The following IGF2R variants were observed in gnomAD, a reference collection of about 807,000 sequenced individuals.
IGF2R encodes cation-independent mannose-6-phosphate receptor.
IGF2R carries 91 observed loss-of-function variants against 270.6 expected under a neutral mutation model. The observed-to-expected ratio is 0.34, with a 90% CI of 0.28 to 0.40. The LOEUF (loss-of-function observed/expected upper bound fraction) is 0.40, where lower values mean the gene tolerates loss of function less well. IGF2R is among the 10% of genes least tolerant of loss of function. The pLI is 1.00. For synonymous variants in IGF2R, 1,316 were observed against 1,258.9 expected (o/e 1.05, Z -0.96); for missense variants, 2,805 against 3,188.3 (o/e 0.88, Z 2.90).
intron 4 of IGF2R, among the ~76,000 whole-genome samples, chr6:160,015,953 G>T (rs923104207): frequency 2.6e-5 from 4 of 152,188 alleles, no homozygotes; most frequent in African/African-American, 9.6e-5. Flanking sequence ...CTTCTGCCGT[G>T]AGTGAAAGCT....
At chr6:160,065,814 G>GTGTGTGTGTGTA in intron 29 of IGF2R, among the ~76,000 whole-genome samples, 1 of 78,392 alleles carries the variant, frequency 1.3e-5, no homozygotes, top group East Asian at 3.0e-4. Flanking sequence ...GTGTGTGTGT[G>GTGTGTGTGTGTA]TATATATATA....
chr6:160,102,775 C>A lies in IGF2R; in HGVS notation c.6995+104C>A. On this transcript the variant is annotated intron_variant, in intron 46 of 47. Transcript: ENST00000356956. The surrounding 1 kb of genome is among the most constrained non-coding windows in gnomAD (Gnocchi z 4.5). ...TTTATTTATTTGTTTTTAAGCCCTACAGCAGCGAAGGCTCGAGGTTCTTAG... is the reference window on the plus strand; with the variant it reads ...TTTATTTATTTGTTTTTAAGCCCTAAAGCAGCGAAGGCTCGAGGTTCTTAG... 1 of 1,319,004 alleles carries A rather than the reference C, an allele frequency of 7.6e-7. No individual in the cohort carries two copies. The highest frequency in any genetic ancestry group is 1.0e-6 in the Non-Finnish European group (1 of 973,412). 81.7% of individuals were successfully genotyped at this position (1,319,004 alleles called of 1,614,324 possible).
chr6:160,046,680 C>T, intron 15 of IGF2R, 35 bp downstream of exon 15: 1 of 1,591,324 alleles, frequency 6.3e-7, no homozygotes, highest in Non-Finnish European at 8.6e-7. Context: ...CATTCTTAGG[C>T]ATTATATGCT....
intron 14 of IGF2R, 22 bp from the exon 15 acceptor site, chr6:160,046,476 T>C: frequency 6.3e-7 from 1 of 1,597,294 alleles, no homozygotes; most frequent in Non-Finnish European, 8.5e-7. Context: ...TCCATACTTT[T>C]ATTGTTTTTA....
Position 160,072,067 on chromosome 6 carries a change from C to T in IGF2R, c.4570+31C>T, listed in dbSNP as rs200144324. Reference sequence around the variant, plus strand: ...AGGTGGTGCCAGTCGTTAACCCCAGCGCAGGTGAGAGACGGTGCCCCCACC... The same window carrying T: ...AGGTGGTGCCAGTCGTTAACCCCAGTGCAGGTGAGAGACGGTGCCCCCACC... On this transcript the variant is annotated intron_variant, in intron 32 of 47. Transcript: ENST00000356956. 5.9e-4 allele frequency: 953 copies of T among 1,613,280 alleles called. 16 individuals are homozygous for T. In the South Asian group the frequency reaches 9.5e-3, roughly 16 times the overall value.
chr6:160,037,125 C>T (rs1375668310), intron 10 of IGF2R, among the ~76,000 whole-genome samples: 1 of 152,182 alleles, frequency 6.6e-6, no homozygotes, highest in African/African-American at 2.4e-5. Context: ...ACGAACATTC[C>T]TTTATGTAAA....
Position 160,096,424 on chromosome 6 carries a change from C to T in IGF2R, c.6656-15C>T. 2.5e-6 allele frequency: 4 copies of T among 1,604,484 alleles called. No homozygotes were observed. Among genetic ancestry groups the T allele is most frequent in the South Asian group, 2.2e-5 (2 of 89,824 alleles). The stretch of plus-strand genomic sequence containing the variant: ...ATGATGGTGACATGCCATGTGTGCC[C>T]TTCCCGTTTGACAGACGGCGATCTC... On this transcript the variant is annotated splice_polypyrimidine_tract_variant and intron_variant, in intron 44 of 47. Coordinates refer to ENST00000356956, the MANE Select transcript of IGF2R (RefSeq NM_000876.4).
chr6:159,977,726 C>T (rs906289502), intron 1 of IGF2R, among the ~76,000 whole-genome samples: 1 of 152,204 alleles, frequency 6.6e-6, no homozygotes, highest in African/African-American at 2.4e-5. Context: ...AATCCAGACT[C>T]CTCCCCTCAC....
At chr6:160,012,648 C>T (rs190964185) in intron 4 of IGF2R, among the ~76,000 whole-genome samples, 2 of 151,588 alleles carry the variant, frequency 1.3e-5, no homozygotes, top group East Asian at 2.0e-4. Flanking sequence ...CCCCAGGCCC[C>T]GCCTCCAATG....
intron 4 of IGF2R, among the ~76,000 whole-genome samples, chr6:160,019,090 A>G (rs376607943): frequency 1.2e-4 from 19 of 152,114 alleles, no homozygotes; most frequent in South Asian, 8.3e-4. Flanking sequence ...AGAGGATTCA[A>G]TCAGAAATAA....
At position 160,046,486 on chromosome 6, in the gene IGF2R, A is replaced by G. The variant is rs370630378; in HGVS notation, c.1904-12A>G. The G allele has an allele frequency of 1.3e-6, 2 of 1,599,116 alleles. No individual in the cohort carries two copies. Among genetic ancestry groups the G allele is most frequent in the Non-Finnish European group, 1.7e-6 (2 of 1,176,144 alleles). On this transcript the variant is annotated splice_polypyrimidine_tract_variant and intron_variant, in intron 14 of 47. Transcript: ENST00000356956. ...GACCTTCCATACTTTTATTGTTTTT[A>G]TTCTTTCTTAGGGTTTTCTTTTGAC...
At chr6:160,009,167 T>TA (rs113773418) in intron 3 of IGF2R, 33 bp downstream of exon 3, 41,777 of 1,140,550 alleles carry the variant, frequency 0.037, 299 homozygotes, top group East Asian at 0.17. Context: ...TGTATTTCTT[T>TA]AAAAAAAAAA....
Position 160,089,941 on chromosome 6 carries a change from A to C in IGF2R, c.6493A>C (p.Arg2165=). ...GCTGTTCAGAGCCTCTGGGGACATG[A>C]GGACCAATGGGGACAACTACCTGTA... The part of the protein sequence containing the change: ...FKLFRASGDM[R]TNGDNYLYEI... The change falls in exon 44 of 48, where the codon AGG becomes CGG. Residue 2165 remains arginine, a synonymous_variant. Transcript: ENST00000356956. 1 of 1,593,590 alleles carries C rather than the reference A, an allele frequency of 6.3e-7. No homozygotes were observed. Among genetic ancestry groups the C allele is most frequent in the Non-Finnish European group, 8.5e-7 (1 of 1,170,604 alleles).
At chr6:159,977,306 C>T (rs915353810) in intron 1 of IGF2R, among the ~76,000 whole-genome samples, 1 of 152,246 alleles carries the variant, frequency 6.6e-6, no homozygotes, top group Non-Finnish European at 1.5e-5. Flanking sequence ...ACCGTGCACT[C>T]TGCAGTGGGT....
chr6:160,065,238 A>G (rs983952130), intron 29 of IGF2R, among the ~76,000 whole-genome samples: 1 of 152,190 alleles, frequency 6.6e-6, no homozygotes, highest in Non-Finnish European at 1.5e-5. Context: ...GTGATCGTCC[A>G]CAGAGCTGCT....
At chr6:160,052,814 C>A (rs555968685) in intron 19 of IGF2R, among the ~76,000 whole-genome samples, 14 of 152,144 alleles carry the variant, frequency 9.2e-5, no homozygotes, top group African/African-American at 3.4e-4. Context: ...ACAAACCTGA[C>A]AAAAACAAGA....
rs1784080542 is a variant in IGF2R, at chr6:159,998,151, A to G, written c.289+6828A>G. On this transcript the variant is annotated intron_variant, in intron 2 of 47. Transcript: ENST00000356956. The surrounding 1 kb of genome is among the most constrained non-coding windows in gnomAD (Gnocchi z 4.1). ...TGAGAACTCACAGAGAAAGGCCACAAGTAATTCTGTTGGCCAGTGTTATGT... is the reference window on the plus strand; with the variant it reads ...TGAGAACTCACAGAGAAAGGCCACAGGTAATTCTGTTGGCCAGTGTTATGT... 6.6e-6 allele frequency among the ~76,000 whole-genome samples: 1 copy of G among 152,270 alleles called. No homozygotes were observed. Among genetic ancestry groups the G allele is most frequent in the Non-Finnish European group, 1.5e-5 (1 of 68,040 alleles).
At chr6:160,025,495 AAAAT>A (rs1777540969) in intron 5 of IGF2R, among the ~76,000 whole-genome samples, 1 of 152,264 alleles carries the variant, frequency 6.6e-6, no homozygotes, top group African/African-American at 2.4e-5. Context: ...AAAATTTTAA[AAAAT>A]AAACTCAATA....
In IGF2R at chr6:160,089,968, G is replaced by C. The variant is rs1318447829; in HGVS notation, c.6520G>C (p.Glu2174Gln). ...MRTNGDNYLY[E>Q]IQLSSITSSR... ...GACCAATGGGGACAACTACCTGTAT[G>C]AGATCCAACTTTCCTCCATCACAAG... Residue 2174 changes from glutamate to glutamine, a missense_variant, in exon 44 of 48, where the codon GAG becomes CAG. By Grantham distance (29) the Glu-to-Gln change is conservative. Around this residue, in one of 2 missense-constraint regions of IGF2R, gnomAD observed 1,851 missense variants for 2,207.2 expected, o/e 0.84. Coordinates refer to ENST00000356956, the MANE Select transcript of IGF2R (RefSeq NM_000876.4). 1 of 1,607,620 alleles carries C rather than the reference G, an allele frequency of 6.2e-7. No individual in the cohort carries two copies. Among genetic ancestry groups the C allele is most frequent in the South Asian group, 1.1e-5 (1 of 89,528 alleles).
Sources: gnomAD v4.1 joint callset for allele counts (sites outside exome capture counted in the v4.1 genomes callset) on GRCh38, gnomAD v4.1.1 for gene constraint, gnomAD v4.1.1 regional missense constraint, Gnocchi (gnomAD v3.1) non-coding constraint, MANE v1.5 for transcripts, NCBI Gene and HGNC (gene_info 2026-07-23, HGNC 2026-07-21) for gene names.